DPYD: variants seen among roughly 807,000 people sequenced by gnomAD.
DPYD encodes dihydropyrimidine dehydrogenase.
In DPYD, 109 loss-of-function variants were observed where a neutral mutation model predicts 116.2. The ratio of observed to expected loss-of-function variants is 0.94; its 90% CI spans 0.80 to 1.10. The LOEUF is 1.10. Ranked by LOEUF, DPYD falls within the 50% of genes least tolerant of loss-of-function variation. DPYD has a pLI of 0.00. For synonymous variants in DPYD, 440 were observed against 432.0 expected (o/e 1.02, Z -0.23); for missense variants, 1,302 against 1,254.5 (o/e 1.04, Z -0.57).
At chr1:97,319,499 C>T (rs1409301984) in intron 16 of DPYD, among the ~76,000 whole-genome samples, 2 of 135,300 alleles carry the variant, frequency 1.5e-5, no homozygotes, top group East Asian at 2.2e-4. Flanking sequence ...GGATACATTC[C>T]TCGACACATA....
chr1:97,301,753 G>A (rs532806369), intron 18 of DPYD, among the ~76,000 whole-genome samples: 17 of 152,034 alleles, frequency 1.1e-4, no homozygotes, highest in African/African-American at 3.6e-4. Flanking sequence ...TGCCATGCAG[G>A]ACTGATTCTT....
intron 3 of DPYD, among the ~76,000 whole-genome samples, chr1:97,801,412 T>A (rs937533220): frequency 6.6e-6 from 1 of 151,930 alleles, no homozygotes; most frequent in Admixed American, 6.6e-5. Context: ...ACTCCTCAAA[T>A]GGATACAGCT....
rs994640911 is a variant in DPYD, at chr1:97,637,499, T to TC, written c.850+41595dup. Reference sequence around the variant, plus strand: ...ACATAAGAGAGTACAGGAAAAGTTTTCCCCCCCTCAACAACACAAAATACC... The same window carrying TC: ...ACATAAGAGAGTACAGGAAAAGTTTTCCCCCCCCTCAACAACACAAAATACC... On this transcript the variant is annotated intron_variant, in intron 8 of 22. Coordinates refer to ENST00000370192, the MANE Select transcript of DPYD (RefSeq NM_000110.4). 1.9e-4 allele frequency among the ~76,000 whole-genome samples: 28 copies of TC among 150,148 alleles called. No homozygotes were observed. In the South Asian group the frequency reaches 3.4e-3, roughly 18 times the overall value.
intron 14 of DPYD, among the ~76,000 whole-genome samples, chr1:97,399,352 T>C (rs1459351494): frequency 6.6e-6 from 1 of 152,188 alleles, no homozygotes; most frequent in Non-Finnish European, 1.5e-5. Context: ...TACTGTAGCC[T>C]AGTAGTATAG....
chr1:97,624,313 A>G, intron 8 of DPYD, among the ~76,000 whole-genome samples: 1 of 152,090 alleles, frequency 6.6e-6, no homozygotes, highest in East Asian at 1.9e-4. Context: ...TGGGCAAGGG[A>G]TCTAAATAGA....
intron 2 of DPYD, among the ~76,000 whole-genome samples, chr1:97,864,430 G>C (rs1447572241): frequency 6.6e-6 from 1 of 151,912 alleles, no homozygotes; most frequent in Non-Finnish European, 1.5e-5. Flanking sequence ...CTGAGTCAAA[G>C]AGATGACTCT....
chr1:97,560,903 A>G (rs1557799586), intron 11 of DPYD, among the ~76,000 whole-genome samples: 1 of 152,172 alleles, frequency 6.6e-6, no homozygotes, highest in Non-Finnish European at 1.5e-5. Flanking sequence ...ACTTAGAGGC[A>G]GATTATTCCA....
chr1:97,248,467 A>G (rs574168223), intron 18 of DPYD, among the ~76,000 whole-genome samples: 7 of 152,328 alleles, frequency 4.6e-5, no homozygotes, highest in South Asian at 4.1e-4. Context: ...TGTGAGTCCA[A>G]TTAAACCTCT....
chr1:97,843,840 T>C (rs1444012970), intron 2 of DPYD, among the ~76,000 whole-genome samples: 2 of 152,214 alleles, frequency 1.3e-5, no homozygotes, highest in African/African-American at 2.4e-5. Flanking sequence ...GCTTACATTT[T>C]AATGAATAGG....
At chr1:97,566,293 A>G (rs1025198439) in intron 11 of DPYD, among the ~76,000 whole-genome samples, 8 of 152,184 alleles carry the variant, frequency 5.3e-5, no homozygotes, top group Admixed American at 5.2e-4. Flanking sequence ...CGTATCTTTA[A>G]AAAGAGTCTG....
At chr1:97,414,267 G>C (rs570307123) in intron 14 of DPYD, among the ~76,000 whole-genome samples, 1 of 152,182 alleles carries the variant, frequency 6.6e-6, no homozygotes, top group South Asian at 2.1e-4. Context: ...ATTACAATTA[G>C]TCTATCAGTT....
intron 1 of DPYD, among the ~76,000 whole-genome samples, chr1:97,902,312 G>C (rs140353309): frequency 6.6e-6 from 1 of 151,590 alleles, no homozygotes; most frequent in Non-Finnish European, 1.5e-5. Context: ...TGAGGCTCCT[G>C]AATACTTTGA....
chr1:97,093,783 G>A (rs537317962), intron 21 of DPYD, among the ~76,000 whole-genome samples: 1 of 152,152 alleles, frequency 6.6e-6, no homozygotes, highest in African/African-American at 2.4e-5. Flanking sequence ...CATTTTTATG[G>A]TCACTTTCTT....
intron 19 of DPYD, among the ~76,000 whole-genome samples, chr1:97,208,578 C>T (rs963445529): frequency 2.0e-5 from 3 of 152,060 alleles, no homozygotes. Context: ...ACACACTGCA[C>T]TTCGCCAAGG....
rs534257467 is a variant in DPYD at position 97,529,164 on chromosome 1, G to C, written c.1525-13223C>G. ...ACTCTTCTCCCACTGCCACGTACCAGCTCTTTAGCAACCTGAGGTAGTATC... is the reference window on the plus strand; with the variant it reads ...ACTCTTCTCCCACTGCCACGTACCACCTCTTTAGCAACCTGAGGTAGTATC... On this transcript the variant is annotated intron_variant, in intron 12 of 22. Coordinates refer to ENST00000370192, the MANE Select transcript of DPYD (RefSeq NM_000110.4). 3.9e-5 allele frequency among the ~76,000 whole-genome samples: 6 copies of C among 152,190 alleles called. No individual in the cohort carries two copies. The South Asian group carries it at 1.0e-3, about 26-fold the overall frequency.
chr1:97,455,586 C>G (rs2101807975), intron 13 of DPYD, among the ~76,000 whole-genome samples: 1 of 151,960 alleles, frequency 6.6e-6, no homozygotes, highest in East Asian at 1.9e-4. Context: ...TATCTTGTTA[C>G]AGAGTCAGAT....
rs368382641 is a variant in DPYD, at chr1:97,402,790, TGTTA to T, written c.1906-20333_1906-20330del. Among the ~76,000 whole-genome samples, 990 of 152,196 alleles carry T rather than the reference TGTTA, an allele frequency of 6.5e-3. 10 individuals carry two copies. The highest frequency in any genetic ancestry group is 0.022 in the African/African-American group (931 of 41,566). ...TCAAACTCAGGAAGTTTCTCTGTAT[TGTTA>T]GTTTACTGAGAGATTTGATCATGAA... On this transcript the variant is annotated intron_variant, in intron 14 of 22. Transcript: ENST00000370192.
chr1:97,843,211 G>A (rs1460419451), intron 2 of DPYD, among the ~76,000 whole-genome samples: 1 of 152,018 alleles, frequency 6.6e-6, no homozygotes, highest in Admixed American at 6.6e-5. Context: ...AATTGGAAAA[G>A]TTACCCAATG....
chr1:97,617,626 T>C (rs931943535), intron 8 of DPYD, among the ~76,000 whole-genome samples: 19 of 152,126 alleles, frequency 1.2e-4, no homozygotes, highest in South Asian at 4.1e-4. Flanking sequence ...TGCAGGGAGA[T>C]TCTATCTCTG....
Sources: allele counts gnomAD v4.1 joint callset (sites outside exome capture counted in the v4.1 genomes callset), GRCh38; gene constraint gnomAD v4.1.1; transcripts MANE v1.5; gene names NCBI Gene and HGNC (gene_info 2026-07-23, HGNC 2026-07-21).